REDIC1: variants seen among roughly 807,000 people sequenced by gnomAD.
REDIC1 encodes the protein HEI10 Interacting Protein 1.
the REDIC1 span, among the ~76,000 whole-genome samples, chr12:39,832,643 G>A: frequency 6.6e-6 from 1 of 152,038 alleles, no homozygotes; most frequent in African/African-American, 2.4e-5. Context: ...GAATAAAACA[G>A]TCACTGCCCT....
the REDIC1 span, among the ~76,000 whole-genome samples, chr12:39,739,758 A>G: frequency 4.6e-5 from 7 of 152,312 alleles, no homozygotes; most frequent in African/African-American, 1.7e-4. Flanking sequence ...ACATCTCGTA[A>G]AATATGATGT....
the REDIC1 span, among the ~76,000 whole-genome samples, chr12:39,868,682 C>A: frequency 6.6e-6 from 1 of 152,254 alleles, no homozygotes; most frequent in African/African-American, 2.4e-5. Context: ...CTTTCTGATT[C>A]ATTACCAATA....
the REDIC1 span, among the ~76,000 whole-genome samples, chr12:39,771,321 G>C: frequency 6.6e-6 from 1 of 152,152 alleles, no homozygotes; most frequent in Non-Finnish European, 1.5e-5. Context: ...ATGTGATTAA[G>C]TAAGTAAGAT....
the REDIC1 span, chr12:39,721,046 G>T: frequency 1.2e-6 from 2 of 1,613,742 alleles, no homozygotes; most frequent in Non-Finnish European, 1.7e-6. Flanking sequence ...AATGATAACT[G>T]CGTTCTGCAG....
chr12:39,745,560 AGT>A, the REDIC1 span, among the ~76,000 whole-genome samples: 4 of 152,346 alleles, frequency 2.6e-5, no homozygotes, highest in Non-Finnish European at 5.9e-5. Flanking sequence ...GCACATAACG[AGT>A]GTGTTATTTT....
At chr12:39,704,650 T>C in the REDIC1 span, among the ~76,000 whole-genome samples, 17 of 152,118 alleles carry the variant, frequency 1.1e-4, no homozygotes, top group Non-Finnish European at 2.4e-4. Flanking sequence ...TTATTTACAA[T>C]AGCAAAGACT....
chr12:39,809,306 A>C, the REDIC1 span, among the ~76,000 whole-genome samples: 1 of 152,150 alleles, frequency 6.6e-6, no homozygotes, highest in Non-Finnish European at 1.5e-5. Context: ...TGTCTGGATT[A>C]CTGTAACTTT....
chr12:39,716,339 T>G, the REDIC1 span, among the ~76,000 whole-genome samples: 1 of 152,072 alleles, frequency 6.6e-6, no homozygotes, highest in African/African-American at 2.4e-5. Context: ...ATTCGCATCT[T>G]TTGATTGCAC....
the REDIC1 span, among the ~76,000 whole-genome samples, chr12:39,861,167 T>A: frequency 5.3e-5 from 8 of 152,226 alleles, no homozygotes; most frequent in Admixed American, 5.2e-4. Flanking sequence ...AGTACAAACA[T>A]CCCATTCTCA....
the REDIC1 span, among the ~76,000 whole-genome samples, chr12:39,686,385 C>T: frequency 6.6e-6 from 1 of 152,180 alleles, no homozygotes; most frequent in African/African-American, 2.4e-5. Flanking sequence ...GGCTTAACAC[C>T]ACATGGAAGC....
the REDIC1 span, among the ~76,000 whole-genome samples, chr12:39,795,318 A>G: frequency 6.6e-6 from 1 of 152,096 alleles, no homozygotes; most frequent in Non-Finnish European, 1.5e-5. Context: ...TGATAAATCT[A>G]CACAGTTTTA....
At chr12:39,886,815 G>A in the REDIC1 span, among the ~76,000 whole-genome samples, 1 of 152,172 alleles carries the variant, frequency 6.6e-6, no homozygotes, top group Non-Finnish European at 1.5e-5. Context: ...AGACTCACTT[G>A]CAGAGTTGGA....
At chr12:39,713,327 CACATATACGTGTATATATGTGTAT>C in the REDIC1 span, among the ~76,000 whole-genome samples, 1 of 141,238 alleles carries the variant, frequency 7.1e-6, no homozygotes, top group Non-Finnish European at 1.5e-5. Flanking sequence ...TATGTGTATA[CACATATACGTGTATATATGTGTAT>C]ACACATATAC....
At chr12:39,797,761 C>T in the REDIC1 span, among the ~76,000 whole-genome samples, 1 of 152,044 alleles carries the variant, frequency 6.6e-6, no homozygotes, top group Non-Finnish European at 1.5e-5. Flanking sequence ...CACACACACA[C>T]ACACACACAC....
chr12:39,638,561 A>G, the REDIC1 span, among the ~76,000 whole-genome samples: 3 of 152,052 alleles, frequency 2.0e-5, no homozygotes, highest in Middle Eastern at 3.4e-3. Context: ...TATACTTTCT[A>G]TTGCTTATAA....
the REDIC1 span, among the ~76,000 whole-genome samples, chr12:39,776,338 C>T: frequency 6.6e-6 from 1 of 152,206 alleles, no homozygotes; most frequent in Non-Finnish European, 1.5e-5. Flanking sequence ...CCCCTCGCCA[C>T]CAAGCACAAG....
the REDIC1 span, among the ~76,000 whole-genome samples, chr12:39,687,795 T>C: frequency 1.3e-5 from 2 of 152,346 alleles, no homozygotes; most frequent in East Asian, 3.8e-4. Context: ...AATGTTATAA[T>C]CCCTTGCCAT....
the REDIC1 span, among the ~76,000 whole-genome samples, chr12:39,714,878 A>T: frequency 6.6e-6 from 1 of 151,612 alleles, no homozygotes; most frequent in South Asian, 2.1e-4. Flanking sequence ...AGAATTGTCT[A>T]TTCATGCCCT....
At chr12:39,769,683 C>G in the REDIC1 span, among the ~76,000 whole-genome samples, 17 of 151,906 alleles carry the variant, frequency 1.1e-4, no homozygotes, top group Non-Finnish European at 2.2e-4. Flanking sequence ...TCTTTTCCTG[C>G]CCTATTTAGT....
Sources: allele counts gnomAD v4.1 joint callset (sites outside exome capture counted in the v4.1 genomes callset), GRCh38; gene constraint gnomAD v4.1.1; transcripts MANE v1.5; gene names NCBI Gene and HGNC (gene_info 2026-07-23, HGNC 2026-07-21).